Variants in AKAP6 observed in about 807,000 individuals in gnomAD.
The protein encoded by AKAP6 is A-kinase anchoring protein 6, also known as A-kinase anchor protein 6.
Under a neutral mutation model 188.5 loss-of-function variants are expected in AKAP6, and 58 were observed. That is an observed-to-expected ratio of 0.31 (90% CI 0.25 to 0.38). The LOEUF (loss-of-function observed/expected upper bound fraction) is 0.38. Ranked by LOEUF, AKAP6 falls within the 10% of genes least tolerant of loss-of-function variation. The pLI is 1.00. For missense variants in AKAP6, 2,710 were observed against 2,740.0 expected (o/e 0.99, Z 0.24); for synonymous variants, 989 against 998.6 (o/e 0.99, Z 0.18).
At chr14:32,611,485 A>G (rs1886350479) in intron 7 of AKAP6, among the ~76,000 whole-genome samples, 1 of 152,194 alleles carries the variant, frequency 6.6e-6, no homozygotes, top group South Asian at 2.1e-4. Context: ...GTAGAGGTCA[A>G]TGTTAAGGAT....
At chr14:32,744,717 T>C (rs961486521) in intron 11 of AKAP6, among the ~76,000 whole-genome samples, 1 of 152,210 alleles carries the variant, frequency 6.6e-6, no homozygotes, top group Non-Finnish European at 1.5e-5. Flanking sequence ...CCTATCTCTC[T>C]ACCTCCTCTT....
At chr14:32,379,268 A>G (rs1594558457) in intron 1 of AKAP6, among the ~76,000 whole-genome samples, 1 of 152,070 alleles carries the variant, frequency 6.6e-6, no homozygotes, top group East Asian at 1.9e-4. Context: ...CAGACTACTT[A>G]GTTTTTTAAA....
At position 32,743,937 on chromosome 14, in the gene AKAP6, C is replaced by T. The variant is rs375014265; in HGVS notation, c.3372+8055C>T. On this transcript the variant is annotated intron_variant, in intron 11 of 13. Coordinates refer to ENST00000280979, the MANE Select transcript of AKAP6 (RefSeq NM_004274.5). ...TCCTTTTCTTTCTAACTGAAGTATTCCCCTTAGGATTTCTTGTAGGACAGG... is the reference window on the plus strand; with the variant it reads ...TCCTTTTCTTTCTAACTGAAGTATTTCCCTTAGGATTTCTTGTAGGACAGG... Among the ~76,000 whole-genome samples, 36 of 152,300 alleles carry T rather than the reference C, an allele frequency of 2.4e-4. 2 individuals are homozygous for T. In the South Asian group the frequency reaches 7.0e-3, roughly 30 times the overall value.
intron 9 of AKAP6, among the ~76,000 whole-genome samples, chr14:32,696,391 A>G (rs1160876797): frequency 1.3e-5 from 2 of 152,222 alleles, no homozygotes; most frequent in Non-Finnish European, 2.9e-5. Context: ...ATGAAACTGC[A>G]TTCATAAATA....
At chr14:32,714,910 A>T (rs2030103473) in intron 9 of AKAP6, among the ~76,000 whole-genome samples, 1 of 151,932 alleles carries the variant, frequency 6.6e-6, no homozygotes, top group Non-Finnish European at 1.5e-5. Flanking sequence ...CTATGAGGAA[A>T]GGACCTGAAT....
rs546819675 is a variant in AKAP6 at position 32,811,255 on chromosome 14, A to AAAAAAAAAAAAAAAAAAAAAAAAAAAT, written c.3589-10146_3589-10145insAAAAAAAAAAAAAAAAAAAAAAAAATA. Among the ~76,000 whole-genome samples, 36 of 118,324 alleles carry AAAAAAAAAAAAAAAAAAAAAAAAAAAT rather than the reference A, an allele frequency of 3.0e-4. 2 individuals carry two copies. The highest frequency in any genetic ancestry group is 4.4e-4 in the African/African-American group (14 of 31,564). 77.6% of individuals were successfully genotyped at this position (118,324 alleles called of 152,430 possible). A position where few individuals can be genotyped will look rare whatever the true frequency, so the allele number is the denominator to read the frequency against. On this transcript the variant is annotated intron_variant, in intron 12 of 13. Coordinates refer to ENST00000280979, the MANE Select transcript of AKAP6 (RefSeq NM_004274.5). Reference sequence around the variant, plus strand: ...CTCCGTCTCAGGAAAAAAAAAAAAAAAGTTGAAAAACAGACTAAGATAATG... The same window carrying AAAAAAAAAAAAAAAAAAAAAAAAAAAT: ...CTCCGTCTCAGGAAAAAAAAAAAAAAAAAAAAAAAAAAAAAAAAAAAAAAAATAGTTGAAAAACAGACTAAGATAATG...
chr14:32,529,846 C>T (rs1882316461), intron 2 of AKAP6, among the ~76,000 whole-genome samples: 1 of 151,622 alleles, frequency 6.6e-6, no homozygotes. Flanking sequence ...TTGCAACTAA[C>T]TGTGATATTT....
rs2032600653 is a variant in AKAP6 at position 32,763,314 on chromosome 14, G to C, written c.3373-10364G>C. Among the ~76,000 whole-genome samples, 4 of 152,052 alleles carry C rather than the reference G, an allele frequency of 2.6e-5. No homozygotes were observed. The South Asian group carries it at 8.3e-4, about 32-fold the overall frequency. Reference sequence around the variant, plus strand: ...TTCTACCATCACCATAATAAAATGTGACAGCCAAGATATTATATCAATACC... The same window carrying C: ...TTCTACCATCACCATAATAAAATGTCACAGCCAAGATATTATATCAATACC... On this transcript the variant is annotated intron_variant, in intron 11 of 13. Coordinates refer to ENST00000280979, the MANE Select transcript of AKAP6 (RefSeq NM_004274.5).
intron 5 of AKAP6, among the ~76,000 whole-genome samples, chr14:32,585,244 G>C (rs549675769): frequency 6.6e-5 from 10 of 152,146 alleles, no homozygotes; most frequent in Non-Finnish European, 1.2e-4. Flanking sequence ...TTTATCTGCA[G>C]CCAATCAGTA....
chr14:32,434,077 G>C (rs1890305757), intron 2 of AKAP6: 6 of 412,702 alleles, frequency 1.5e-5, no homozygotes, highest in Non-Finnish European at 2.6e-5. Flanking sequence ...TTTTTGTGCA[G>C]TGTTATCAAA....
chr14:32,389,980 A>G (rs1888657549), intron 1 of AKAP6, among the ~76,000 whole-genome samples: 1 of 152,032 alleles, frequency 6.6e-6, no homozygotes, highest in Non-Finnish European at 1.5e-5. Flanking sequence ...CAGGAACATC[A>G]ATTATTCTTA....
chr14:32,545,604 G>A lies in AKAP6; in HGVS notation c.951G>A (p.Glu317=). The change falls in exon 4 of 14, where the codon GAG becomes GAA. Residue 317 remains glutamate (E), a synonymous_variant. Transcript: ENST00000280979. The part of the protein sequence containing the change: ...CEEDNASAVE[E]QPGLTLGVSS... ...AAGACAATGCTTCTGCAGTCGAAGA[G>A]CAACCAGGCTTAACACTGGGGGTGT... The A allele has an allele frequency of 6.2e-7, 1 of 1,614,178 alleles. No individual in the cohort carries two copies. The highest frequency in any genetic ancestry group is 8.5e-7 in the Non-Finnish European group (1 of 1,180,014).
At chr14:32,520,752 T>A (rs559166032) in intron 2 of AKAP6, among the ~76,000 whole-genome samples, 138 of 152,324 alleles carry the variant, frequency 9.1e-4, no homozygotes, top group African/African-American at 3.3e-3. Context: ...CATAGCCGAA[T>A]TCTACCAGAG....
intron 11 of AKAP6, among the ~76,000 whole-genome samples, chr14:32,750,618 A>T (rs1244338417): frequency 1.3e-5 from 2 of 151,852 alleles, no homozygotes; most frequent in Non-Finnish European, 2.9e-5. Flanking sequence ...GTAGTCTTAG[A>T]TACTTAGGAG....
chr14:32,784,866 C>T (rs1229099417), intron 12 of AKAP6, among the ~76,000 whole-genome samples: 2 of 152,064 alleles, frequency 1.3e-5, no homozygotes, highest in Non-Finnish European at 2.9e-5. Flanking sequence ...GCCTTTCTTC[C>T]CCCTAAGACT....
Position 32,617,568 on chromosome 14 carries a change from T to A in AKAP6, c.2730+16776T>A, listed in dbSNP as rs77360678. 5.3e-4 allele frequency among the ~76,000 whole-genome samples: 80 copies of A among 152,342 alleles called. No homozygotes were observed. The East Asian group carries it at 0.015, about 29-fold the overall frequency. On this transcript the variant is annotated intron_variant, in intron 7 of 13. Coordinates refer to ENST00000280979, the MANE Select transcript of AKAP6 (RefSeq NM_004274.5). Reference sequence around the variant, plus strand: ...GACTATTCTTGAACAAAATGCTTGTTGAGTGACAAACAATTTATAACACAA... The same window carrying A: ...GACTATTCTTGAACAAAATGCTTGTAGAGTGACAAACAATTTATAACACAA...
At chr14:32,422,986 T>C (rs913275504) in intron 1 of AKAP6, among the ~76,000 whole-genome samples, 7 of 152,206 alleles carry the variant, frequency 4.6e-5, no homozygotes, top group African/African-American at 1.7e-4. Flanking sequence ...AAGTCATTTA[T>C]CATTTATTCA....
At chr14:32,582,320 G>A (rs897041482) in intron 5 of AKAP6, among the ~76,000 whole-genome samples, 45 of 152,138 alleles carry the variant, frequency 3.0e-4, no homozygotes, top group African/African-American at 1.1e-3. Context: ...TTGAATATTG[G>A]CCCCCACTCT....
intron 7 of AKAP6, among the ~76,000 whole-genome samples, chr14:32,614,563 T>G (rs1162393827): frequency 6.6e-6 from 1 of 152,222 alleles, no homozygotes; most frequent in African/African-American, 2.4e-5. Flanking sequence ...GATGTTGCAC[T>G]AATGATACAA....
Sources: allele counts gnomAD v4.1 joint callset (sites outside exome capture counted in the v4.1 genomes callset), GRCh38; gene constraint gnomAD v4.1.1; transcripts MANE v1.5; gene names NCBI Gene and HGNC (gene_info 2026-07-23, HGNC 2026-07-21).